The following PTPRM variants were observed in gnomAD, a reference collection of about 807,000 sequenced individuals.
PTPRM encodes receptor-type tyrosine-protein phosphatase mu.
In PTPRM, 47 loss-of-function variants were observed where a neutral mutation model predicts 186.7. The observed-to-expected ratio is 0.25, with a 90% CI of 0.20 to 0.32. The LOEUF is 0.32. Among genes scored for constraint, PTPRM ranks in the 10% least tolerant of loss-of-function variants. The pLI, the probability that PTPRM is intolerant of heterozygous loss-of-function variation, is 1.00. For missense variants in PTPRM, 1,494 were observed against 1,865.0 expected (o/e 0.80, Z 3.66); for synonymous variants, 668 against 674.9 (o/e 0.99, Z 0.16).
intron 17 of PTPRM, 180 bp downstream of exon 17, chr18:8,248,356 G>A (rs547523396): frequency 2.1e-5 from 15 of 708,886 alleles, no homozygotes; most frequent in Admixed American, 1.4e-4. Flanking sequence ...CTAAACAGTC[G>A]CCATTAATAA....
At chr18:8,079,053 T>C (rs899467125) in intron 9 of PTPRM, among the ~76,000 whole-genome samples, 9 of 152,236 alleles carry the variant, frequency 5.9e-5, no homozygotes, top group African/African-American at 2.2e-4. Flanking sequence ...GTTCTCTCTT[T>C]GCTTATTATG....
intron 23 of PTPRM, among the ~76,000 whole-genome samples, chr18:8,356,690 TGG>T (rs1264039650): frequency 6.6e-6 from 1 of 152,114 alleles, no homozygotes; most frequent in East Asian, 1.9e-4. Flanking sequence ...AAGGTAAGGA[TGG>T]GCAGATATAA....
chr18:7,575,173 A>G (rs768989341), intron 1 of PTPRM, among the ~76,000 whole-genome samples: 1 of 152,234 alleles, frequency 6.6e-6, no homozygotes, highest in Non-Finnish European at 1.5e-5. Flanking sequence ...CTCCAGGTAA[A>G]TAAAAATAAT....
intron 2 of PTPRM, among the ~76,000 whole-genome samples, chr18:7,851,067 T>C (rs531646361): frequency 1.3e-5 from 2 of 152,328 alleles, no homozygotes; most frequent in East Asian, 3.9e-4. Context: ...AATGAAAATC[T>C]ATGTTAAAAC....
intron 19 of PTPRM, among the ~76,000 whole-genome samples, chr18:8,284,113 A>C (rs796962298): frequency 6.6e-5 from 10 of 152,272 alleles, no homozygotes; most frequent in African/African-American, 2.4e-4. Context: ...CATTCTGGTA[A>C]TGTGGGTCCT....
intron 22 of PTPRM, among the ~76,000 whole-genome samples, chr18:8,323,364 C>A (rs537223119): frequency 4.6e-5 from 7 of 152,106 alleles, no homozygotes; most frequent in Non-Finnish European, 5.9e-5. Flanking sequence ...TGCTCACCCC[C>A]CAAAACCATA....
At chr18:7,899,715 G>A (rs550492681) in intron 3 of PTPRM, among the ~76,000 whole-genome samples, 2 of 152,248 alleles carry the variant, frequency 1.3e-5, no homozygotes, top group African/African-American at 2.4e-5. Context: ...ATATTAAAGT[G>A]TTACTAATTC....
intron 1 of PTPRM, among the ~76,000 whole-genome samples, chr18:7,711,588 A>C (rs2040214108): frequency 6.6e-6 from 1 of 152,198 alleles, no homozygotes; most frequent in Non-Finnish European, 1.5e-5. Flanking sequence ...ACTGGCTTGA[A>C]ATTCTTGCTG....
chr18:7,901,079 T>C (rs1475894851), intron 3 of PTPRM, among the ~76,000 whole-genome samples: 1 of 152,222 alleles, frequency 6.6e-6, no homozygotes, highest in African/African-American at 2.4e-5. Flanking sequence ...TCGACCCGGA[T>C]GCTGGCATTT....
chr18:8,203,383 A>C (rs184392323), intron 14 of PTPRM, among the ~76,000 whole-genome samples: 1 of 152,340 alleles, frequency 6.6e-6, no homozygotes, highest in Admixed American at 6.5e-5. Flanking sequence ...TTGTAGAACA[A>C]CTGGCTTTCA....
intron 14 of PTPRM, among the ~76,000 whole-genome samples, chr18:8,155,703 C>G (rs539222546): frequency 6.6e-6 from 1 of 152,266 alleles, no homozygotes; most frequent in East Asian, 1.9e-4. Flanking sequence ...TTGATGAAAG[C>G]CCCATTTTCA....
At chr18:8,196,811 GA>G (rs1352872704) in intron 14 of PTPRM, among the ~76,000 whole-genome samples, 4 of 152,110 alleles carry the variant, frequency 2.6e-5, no homozygotes, top group African/African-American at 9.7e-5. Flanking sequence ...CTGTTCTTTT[GA>G]ACCTTGATGT....
At chr18:8,153,235 T>C (rs1240027784) in intron 14 of PTPRM, among the ~76,000 whole-genome samples, 1 of 152,226 alleles carries the variant, frequency 6.6e-6, no homozygotes, top group African/African-American at 2.4e-5. Context: ...GCAAGTTCTC[T>C]GTGAGGAATA....
At chr18:8,127,187 A>G (rs1206166924) in intron 13 of PTPRM, among the ~76,000 whole-genome samples, 5 of 152,176 alleles carry the variant, frequency 3.3e-5, no homozygotes, top group African/African-American at 9.7e-5. Flanking sequence ...GTAGATGTGA[A>G]TAGAAGAGGT....
intron 1 of PTPRM, among the ~76,000 whole-genome samples, chr18:7,581,002 G>T (rs779795046): frequency 2.0e-5 from 3 of 152,204 alleles, no homozygotes; most frequent in Non-Finnish European, 4.4e-5. Context: ...ATTCTCCTGT[G>T]CAGTCAGATT....
intron 13 of PTPRM, among the ~76,000 whole-genome samples, chr18:8,124,621 C>G (rs2092281019): frequency 6.6e-6 from 1 of 152,146 alleles, no homozygotes; most frequent in Non-Finnish European, 1.5e-5. Context: ...TATCATTTAG[C>G]AAAGCTAAGA....
At chr18:8,262,359 C>A (rs1249150922) in intron 19 of PTPRM, among the ~76,000 whole-genome samples, 3 of 152,212 alleles carry the variant, frequency 2.0e-5, no homozygotes, top group Admixed American at 2.0e-4. Flanking sequence ...GCCACGGATT[C>A]TTTCCAAAAA....
intron 7 of PTPRM, among the ~76,000 whole-genome samples, chr18:8,066,201 A>G (rs1443340630): frequency 1.3e-5 from 2 of 152,218 alleles, no homozygotes; most frequent in East Asian, 1.9e-4. Flanking sequence ...TGAGAATTGT[A>G]AAAGAATTGT....
At chr18:7,679,411 T>G (rs1272530027) in intron 1 of PTPRM, among the ~76,000 whole-genome samples, 2 of 152,080 alleles carry the variant, frequency 1.3e-5, no homozygotes, top group Non-Finnish European at 1.5e-5. Flanking sequence ...ACACCTGCAA[T>G]CCCAGCACTT....
Sources: gnomAD v4.1 joint callset for allele counts (sites outside exome capture counted in the v4.1 genomes callset) on GRCh38, gnomAD v4.1.1 for gene constraint, MANE v1.5 for transcripts, NCBI Gene and HGNC (gene_info 2026-07-23, HGNC 2026-07-21) for gene names.